Variants in HPS3 observed in about 807,000 individuals in gnomAD.
HPS3 encodes the protein HPS3 biogenesis of lysosomal organelles complex 2 subunit 1.
Under a neutral mutation model 110.9 loss-of-function variants are expected in HPS3, and 79 were observed. The observed-to-expected ratio is 0.71, with a 90% confidence interval of 0.59 to 0.86. The LOEUF (loss-of-function observed/expected upper bound fraction) is 0.86, where lower values mean the gene tolerates loss of function less well. HPS3 is among the 40% of genes least tolerant of loss of function. The probability of loss-of-function intolerance (pLI) is 0.00; values close to 1 mark genes in which losing one functional copy is unlikely to be tolerated. For synonymous variants in HPS3, 428 were observed against 451.0 expected (o/e 0.95, Z 0.65); for missense variants, 1,197 against 1,206.2 (o/e 0.99, Z 0.11).
At chr3:149,149,733 A>G (rs1192097732) in intron 5 of HPS3, among the ~76,000 whole-genome samples, 1 of 152,164 alleles carries the variant, frequency 6.6e-6, no homozygotes, top group East Asian at 1.9e-4. Flanking sequence ...TAAAAATATC[A>G]ATTTCTGTCC....
intron 16 of HPS3, 144 bp from the exon 17 acceptor site, chr3:149,171,951 C>A: frequency 1.6e-6 from 1 of 628,998 alleles, no homozygotes; most frequent in Non-Finnish European, 2.8e-6. Flanking sequence ...GTGATCTGCC[C>A]ACCTCGGCCT....
intron 9 of HPS3, 50 bp from the exon 10 acceptor site, chr3:149,158,616 C>T (rs774405857): frequency 2.2e-4 from 331 of 1,523,146 alleles, no homozygotes; most frequent in Non-Finnish European, 2.5e-4. Context: ...AGTGAGACCC[C>T]GTCTTTAAAA....
intron 1 of HPS3, among the ~76,000 whole-genome samples, chr3:149,139,750 A>G (rs1189795201): frequency 6.6e-6 from 1 of 152,194 alleles, no homozygotes; most frequent in Admixed American, 6.5e-5. Flanking sequence ...TATTCCTTAT[A>G]TGAACTTTCT....
chr3:149,130,286 C>T (rs7643410), intron 1 of HPS3: 8 of 367,176 alleles, frequency 2.2e-5, no homozygotes, highest in Non-Finnish European at 4.0e-5. Flanking sequence ...CAAAGACTTA[C>T]CAAAAAAACA....
In HPS3 at chr3:149,172,303, T is replaced by G; in HGVS notation, c.*81T>G. ...AATGCCAAAGTACAAGTAGAGGAGT[T>G]TTTTATTTTATATATCACACACACA... On this transcript the variant is annotated 3_prime_UTR_variant, in exon 17 of 17. Coordinates refer to ENST00000296051, the MANE Select transcript of HPS3 (RefSeq NM_032383.5). The G allele has an allele frequency of 9.7e-7, 1 of 1,030,024 alleles. No individual in the cohort carries two copies. The highest frequency in any genetic ancestry group is 1.3e-5 in the South Asian group (1 of 74,318). The allele number at this position is 1,030,024 out of a possible 1,614,324, so 63.8% of individuals were successfully genotyped here.
chr3:149,151,511 T>C (rs1310146691), intron 6 of HPS3, among the ~76,000 whole-genome samples: 1 of 148,058 alleles, frequency 6.8e-6, no homozygotes, highest in Non-Finnish European at 1.5e-5. Context: ...GATAACCTTC[T>C]ATACTTAATC....
At chr3:149,141,860 T>C (rs1722497474) in intron 4 of HPS3, among the ~76,000 whole-genome samples, 1 of 149,944 alleles carries the variant, frequency 6.7e-6, no homozygotes, top group Non-Finnish European at 1.5e-5. Context: ...TTTATTATTT[T>C]TTTTCTTGAG....
chr3:149,164,856 G>A (rs1277997265), intron 14 of HPS3, among the ~76,000 whole-genome samples: 1 of 152,104 alleles, frequency 6.6e-6, no homozygotes, highest in East Asian at 1.9e-4. Context: ...CTGCCCTCAT[G>A]CATCTTCATC....
Position 149,145,654 on chromosome 3 carries a change from T to C in HPS3, c.1163+108T>C, listed in dbSNP as rs1017297784. The C allele has an allele frequency of 2.0e-5, 17 of 867,212 alleles. No individual in the cohort carries two copies. The African/African-American group carries it at 2.5e-4, about 13-fold the overall frequency. The allele number at this position is 867,212 out of a possible 1,614,324, so 53.7% of individuals were successfully genotyped here. A position where few individuals can be genotyped will look rare whatever the true frequency, so the allele number is the denominator to read the frequency against. On this transcript the variant is annotated intron_variant, in intron 5 of 16. Coordinates refer to ENST00000296051, the MANE Select transcript of HPS3 (RefSeq NM_032383.5). ...GTGAACTAGCATAGAGTACTATAAA[T>C]GCATGAGTTACATGTCATTGTAAGT...
intron 8 of HPS3, among the ~76,000 whole-genome samples, chr3:149,156,649 G>A (rs1723475563): frequency 6.6e-6 from 1 of 151,626 alleles, no homozygotes; most frequent in South Asian, 2.1e-4. Context: ...TTTGTGTTAA[G>A]GGTATCACAT....
At chr3:149,130,352 T>A (rs1721684808) in intron 1 of HPS3, 1 of 193,958 alleles carries the variant, frequency 5.2e-6, no homozygotes, top group South Asian at 1.0e-4. Flanking sequence ...CTCCCAGCTT[T>A]AACAATTATT....
chr3:149,153,743 G>T (rs1723278258), intron 7 of HPS3, 95 bp downstream of exon 7: 1 of 1,309,874 alleles, frequency 7.6e-7, no homozygotes, highest in Non-Finnish European at 1.1e-6. Flanking sequence ...TCATAACTTG[G>T]AATGATCAAA....
chr3:149,134,743 T>C (rs1430762783), intron 1 of HPS3, among the ~76,000 whole-genome samples: 1 of 152,190 alleles, frequency 6.6e-6, no homozygotes, highest in African/African-American at 2.4e-5. Context: ...TAACGAGGCC[T>C]TGAACAATAA....
At chr3:149,144,041 A>G (rs1411382326) in intron 4 of HPS3, among the ~76,000 whole-genome samples, 2 of 152,112 alleles carry the variant, frequency 1.3e-5, no homozygotes, top group African/African-American at 4.8e-5. Context: ...TATGTCTCTA[A>G]AAGTATTCTT....
At chr3:149,132,871 C>T (rs1190312076) in intron 1 of HPS3, among the ~76,000 whole-genome samples, 1 of 152,156 alleles carries the variant, frequency 6.6e-6, no homozygotes, top group Non-Finnish European at 1.5e-5. Context: ...TTCCAACTCT[C>T]ATGGATGACT....
Position 149,133,462 on chromosome 3 carries a change from C to T in HPS3, c.217+3522C>T, listed in dbSNP as rs145332022. The stretch of plus-strand genomic sequence containing the variant: ...TACAGGCATGCGCTACCACTTGTGG[C>T]GAATTTTGTATTTTTAGTAGAGATG... On this transcript the variant is annotated intron_variant, in intron 1 of 16. Coordinates refer to ENST00000296051, the MANE Select transcript of HPS3 (RefSeq NM_032383.5). 9.9e-5 allele frequency among the ~76,000 whole-genome samples: 15 copies of T among 152,036 alleles called. No homozygotes were observed. The East Asian group carries it at 1.7e-3, about 18-fold the overall frequency.
At chr3:149,158,035 G>T (rs1212498906) in intron 9 of HPS3, among the ~76,000 whole-genome samples, 4 of 152,166 alleles carry the variant, frequency 2.6e-5, no homozygotes, top group Non-Finnish European at 5.9e-5. Context: ...CATTAGAGAG[G>T]TATGACTAGT....
At position 149,160,244 on chromosome 3, in the gene HPS3, G is replaced by C. The variant is rs774734982; in HGVS notation, c.2071G>C (p.Asp691His). 6.8e-6 allele frequency: 11 copies of C among 1,613,658 alleles called. No individual in the cohort carries two copies. Among genetic ancestry groups the C allele is most frequent in the Non-Finnish European group, 9.3e-6 (11 of 1,179,710 alleles). ...AGTGGCTCTGAAAATGGGAGATCTTGACATGCACAGAAATGAAATGAAAAG... is the reference window on the plus strand; with the variant it reads ...AGTGGCTCTGAAAATGGGAGATCTTCACATGCACAGAAATGAAATGAAAAG... ...AAVALKMGDL[D>H]MHRNEMKSHS... The change falls in exon 11 of 17, where the codon GAC (aspartate) becomes CAC (histidine). Residue 691 changes from aspartate (D) to histidine (H), a missense_variant. Physicochemically the swap from Asp to His is moderately conservative, Grantham distance 81. Transcript: ENST00000296051.
At chr3:149,161,508 CTTT>C (rs1203449055) in intron 11 of HPS3, among the ~76,000 whole-genome samples, 2 of 104,326 alleles carry the variant, frequency 1.9e-5, no homozygotes, top group Admixed American at 2.1e-4. Flanking sequence ...CCCCCACACC[CTTT>C]TTTTTTTTTT....
Sources: allele counts gnomAD v4.1 joint callset (sites outside exome capture counted in the v4.1 genomes callset), GRCh38; gene constraint gnomAD v4.1.1; transcripts MANE v1.5; gene names NCBI Gene and HGNC (gene_info 2026-07-23, HGNC 2026-07-21).